MRPS28: variants seen among roughly 807,000 people sequenced by gnomAD.
MRPS28 encodes the protein mitochondrial ribosomal protein S28.
In MRPS28, 7 loss-of-function variants were observed where a neutral mutation model predicts 10.8. The ratio of observed to expected loss-of-function variants is 0.65; its 90% CI spans 0.37 to 1.22. The LOEUF (loss-of-function observed/expected upper bound fraction) is 1.22. Among genes scored for constraint, MRPS28 ranks in the 50% most tolerant of loss-of-function variants. MRPS28 has a pLI of 0.02. For synonymous variants in MRPS28, 121 were observed against 93.3 expected (o/e 1.30, Z -1.71); for missense variants, 265 against 232.9 (o/e 1.14, Z -0.90).
chr8:79,952,587 T>C (rs2129974834), intron 2 of MRPS28, among the ~76,000 whole-genome samples: 1 of 152,276 alleles, frequency 6.6e-6, no homozygotes, highest in East Asian at 1.9e-4. Flanking sequence ...ATAGCAATCA[T>C]AGAAAGCATA....
chr8:80,021,004 C>T (rs544885108), intron 1 of MRPS28, among the ~76,000 whole-genome samples: 57 of 149,812 alleles, frequency 3.8e-4, no homozygotes, highest in African/African-American at 9.3e-4. Flanking sequence ...CGCACACACA[C>T]ACTTTTTTTT....
intron 2 of MRPS28, among the ~76,000 whole-genome samples, chr8:79,978,308 T>C (rs1451788544): frequency 6.7e-6 from 1 of 148,464 alleles, no homozygotes; most frequent in Non-Finnish European, 1.5e-5. Context: ...AACAAAAAGA[T>C]GTTAAAATTT....
chr8:80,017,920 A>C (rs1809239455), intron 1 of MRPS28, among the ~76,000 whole-genome samples: 2 of 152,222 alleles, frequency 1.3e-5, no homozygotes, highest in African/African-American at 2.4e-5. Context: ...ACATTCAAAA[A>C]TCAAAATGTA....
intron 2 of MRPS28, among the ~76,000 whole-genome samples, chr8:79,981,320 G>A (rs1017213151): frequency 6.6e-6 from 1 of 152,096 alleles, no homozygotes. Flanking sequence ...GCGACACCCT[G>A]TCTTAAAAAA....
At chr8:80,019,577 C>T (rs1323223566) in intron 1 of MRPS28, among the ~76,000 whole-genome samples, 2 of 151,880 alleles carry the variant, frequency 1.3e-5, no homozygotes, top group Non-Finnish European at 2.9e-5. Context: ...AGGAAGAAGG[C>T]AAGGATGTCC....
At chr8:79,988,017 C>A (rs1439779073) in intron 2 of MRPS28, among the ~76,000 whole-genome samples, 3 of 152,110 alleles carry the variant, frequency 2.0e-5, no homozygotes, top group South Asian at 2.1e-4. Flanking sequence ...GACTTGGAAC[C>A]AACCCAAATG....
At position 80,030,028 on chromosome 8, in the gene MRPS28, G is replaced by T; in HGVS notation, c.213+8C>A. On this transcript the variant is annotated splice_region_variant and intron_variant, in intron 1 of 2. Transcript: ENST00000276585. ...CCCGCGACTCCCTCTCACCCGCCCGGGCTCCACCTTCTGTAGGGGCTCCAC... is the reference window on the plus strand; with the variant it reads ...CCCGCGACTCCCTCTCACCCGCCCGTGCTCCACCTTCTGTAGGGGCTCCAC... 6.2e-7 allele frequency: 1 copy of T among 1,611,984 alleles called. No individual in the cohort carries two copies.
intron 1 of MRPS28, among the ~76,000 whole-genome samples, chr8:80,025,065 A>T (rs1809462242): frequency 6.6e-6 from 1 of 152,238 alleles, no homozygotes; most frequent in South Asian, 2.1e-4. Flanking sequence ...TTCAAAAAGA[A>T]TATTTTAAGC....
chr8:80,011,031 TA>T (rs1272629857), intron 1 of MRPS28, among the ~76,000 whole-genome samples: 2 of 152,178 alleles, frequency 1.3e-5, no homozygotes, highest in African/African-American at 4.8e-5. Context: ...GAGCCAGAGA[TA>T]AAACAAATCC....
intron 2 of MRPS28, among the ~76,000 whole-genome samples, chr8:79,925,377 A>G (rs1312493360): frequency 4.6e-5 from 7 of 152,214 alleles, no homozygotes; most frequent in Non-Finnish European, 8.8e-5. Flanking sequence ...GACTGTTCAT[A>G]TACCAAAACA....
intron 1 of MRPS28, among the ~76,000 whole-genome samples, chr8:80,003,664 C>T (rs1022844323): frequency 6.6e-6 from 1 of 152,156 alleles, no homozygotes; most frequent in Non-Finnish European, 1.5e-5. Flanking sequence ...GCAGTGGGTG[C>T]AGCCCACCGA....
At chr8:79,997,625 A>C (rs372459097) in intron 2 of MRPS28, among the ~76,000 whole-genome samples, 17 of 152,324 alleles carry the variant, frequency 1.1e-4, no homozygotes, top group South Asian at 4.1e-4. Context: ...AAAAAAAAAA[A>C]ACCAAAGTTT....
chr8:79,946,349 A>C (rs771008885), intron 2 of MRPS28, among the ~76,000 whole-genome samples: 4 of 152,132 alleles, frequency 2.6e-5, no homozygotes, highest in Non-Finnish European at 4.4e-5. Context: ...TAAAGAAGAA[A>C]TAGATGCTGT....
rs201558820 is a variant in MRPS28 at position 79,960,657 on chromosome 8, TTA to T, written c.396-41511_396-41510del. Among the ~76,000 whole-genome samples, 87 of 152,176 alleles carry T rather than the reference TTA, an allele frequency of 5.7e-4. 1 individual carries two copies. Among genetic ancestry groups the T allele is most frequent in the East Asian group, 5.2e-3 (27 of 5,174 alleles). ...GTGGCTTAGTTTTATTAGTTAGGAT[TTA>T]AAGAAAAGTGCAGAAGAATTCTACA... On this transcript the variant is annotated intron_variant, in intron 2 of 2. Transcript: ENST00000276585.
At chr8:79,970,427 A>C (rs1400841899) in intron 2 of MRPS28, among the ~76,000 whole-genome samples, 3 of 152,212 alleles carry the variant, frequency 2.0e-5, no homozygotes, top group African/African-American at 7.2e-5. Flanking sequence ...ATATACCAAC[A>C]CAGAGGATAG....
chr8:80,020,511 C>T (rs1474060386), intron 1 of MRPS28, among the ~76,000 whole-genome samples: 2 of 152,120 alleles, frequency 1.3e-5, no homozygotes, highest in Non-Finnish European at 2.9e-5. Context: ...AGCTGTGAGC[C>T]AGATGCTGAC....
chr8:79,936,982 T>A (rs1375767614), intron 2 of MRPS28, among the ~76,000 whole-genome samples: 3 of 152,134 alleles, frequency 2.0e-5, no homozygotes, highest in African/African-American at 7.2e-5. Context: ...CACCTCAGCC[T>A]CCCAAGTAGC....
At chr8:79,921,979 G>GT (rs1810107059) in intron 2 of MRPS28, among the ~76,000 whole-genome samples, 1 of 152,172 alleles carries the variant, frequency 6.6e-6, no homozygotes, top group Admixed American at 6.5e-5. Context: ...TTTATTGAGA[G>GT]TTTTTAGCAT....
At chr8:80,014,685 T>C (rs1809149843) in intron 1 of MRPS28, among the ~76,000 whole-genome samples, 1 of 152,242 alleles carries the variant, frequency 6.6e-6, no homozygotes, top group Admixed American at 6.5e-5. Flanking sequence ...AGCACTCAAA[T>C]AGTGTCTGAA....
Sources: allele counts gnomAD v4.1 joint callset (sites outside exome capture counted in the v4.1 genomes callset), GRCh38; gene constraint gnomAD v4.1.1; transcripts MANE v1.5; gene names NCBI Gene and HGNC (gene_info 2026-07-23, HGNC 2026-07-21).